NPM1: variants seen among roughly 807,000 people sequenced by gnomAD.
NPM1 encodes the protein nucleophosmin 1.
In NPM1, 1 loss-of-function variant was observed where a neutral mutation model predicts 44.1. The ratio of observed to expected loss-of-function variants is 0.02; its 90% CI spans 0.01 to 0.11. The LOEUF (loss-of-function observed/expected upper bound fraction) is 0.11, where lower values mean the gene tolerates loss of function less well. Ranked by LOEUF, NPM1 falls within the 10% of genes least tolerant of loss-of-function variation. The pLI is 1.00. For missense variants in NPM1, 197 were observed against 347.8 expected, an observed-to-expected ratio of 0.57 and a Z score of 3.45; for synonymous variants, 126 against 111.8, an observed-to-expected ratio of 1.13 and a Z score of -0.80.
chr5:171,395,305 GA>G (rs1770823752), intron 6 of NPM1, among the ~76,000 whole-genome samples: 1 of 151,720 alleles, frequency 6.6e-6, no homozygotes, highest in Non-Finnish European at 1.5e-5. Context: ...TTTTTTGTGG[GA>G]TTTTTTTTTT....
intron 9 of NPM1, chr5:171,407,475 G>A (rs1222105443): frequency 1.9e-5 from 10 of 538,986 alleles, no homozygotes; most frequent in Non-Finnish European, 3.2e-6. Flanking sequence ...GAGGTTGTCA[G>A]GGAAGATTTG....
chr5:171,410,225 T>C (rs1273360187), intron 10 of NPM1, among the ~76,000 whole-genome samples: 1 of 152,110 alleles, frequency 6.6e-6, no homozygotes, highest in East Asian at 1.9e-4. Flanking sequence ...TCTCGGGAGA[T>C]GAAGTTGGAA....
intron 8 of NPM1, among the ~76,000 whole-genome samples, chr5:171,404,554 C>T (rs1215534497): frequency 1.2e-5 from 1 of 80,002 alleles, no homozygotes; most frequent in African/African-American, 5.2e-5. Flanking sequence ...CGGGCAGAGA[C>T]GCTCCTCACT....
intron 7 of NPM1, 29 bp from the exon 8 acceptor site, chr5:171,400,810 C>T: frequency 7.0e-7 from 1 of 1,423,170 alleles, no homozygotes; most frequent in Non-Finnish European, 9.9e-7. Flanking sequence ...GGGTCAGGGA[C>T]AGTGATTAAG....
Position 171,387,893 on chromosome 5 carries a change from A to T in NPM1, c.-56A>T. 1.3e-6 allele frequency: 2 copies of T among 1,540,190 alleles called. No homozygotes were observed. Among genetic ancestry groups the T allele is most frequent in the South Asian group, 1.1e-5 (1 of 89,380 alleles). On this transcript the variant is annotated 5_prime_UTR_variant, in exon 1 of 11. Coordinates refer to ENST00000296930, the MANE Select transcript of NPM1 (RefSeq NM_002520.7). ...GTCCTGCGCGGTTGTTCTCTGGAGC[A>T]GCGTTCTTTTATCTCCGTCCGCCTT...
At chr5:171,407,017 G>A (rs1276724110) in intron 9 of NPM1, 2 of 152,906 alleles carry the variant, frequency 1.3e-5, no homozygotes, top group Admixed American at 6.5e-5. Flanking sequence ...TGGTTACAAA[G>A]TCACAGGTCT....
chr5:171,391,102 C>A, intron 2 of NPM1: 1 of 557,842 alleles, frequency 1.8e-6, no homozygotes, highest in South Asian at 2.3e-5. Flanking sequence ...AGGTTTGTAG[C>A]CTAGGTGTGT....
chr5:171,388,550 T>G (rs1327012204), intron 1 of NPM1, among the ~76,000 whole-genome samples: 2 of 92,168 alleles, frequency 2.2e-5, no homozygotes, highest in Non-Finnish European at 4.0e-5. Flanking sequence ...CGGCGCGGCG[T>G]GAGGAGGCCG....
intron 1 of NPM1, among the ~76,000 whole-genome samples, chr5:171,388,670 G>A (rs972336241): frequency 1.3e-5 from 2 of 152,216 alleles, no homozygotes; most frequent in African/African-American, 4.8e-5. Flanking sequence ...GGATGCTGTG[G>A]CTCTGTTGAA....
intron 3 of NPM1, 134 bp from the exon 4 acceptor site, chr5:171,391,572 G>A: frequency 8.6e-7 from 1 of 1,157,160 alleles, no homozygotes; most frequent in Non-Finnish European, 1.3e-6. Flanking sequence ...TGAACATGGG[G>A]GCTTCTGCTG....
intron 8 of NPM1, among the ~76,000 whole-genome samples, chr5:171,403,965 A>C (rs1278405390): frequency 5.2e-4 from 22 of 42,536 alleles, no homozygotes; most frequent in Admixed American, 1.5e-3. Context: ...GGGGGGGCTG[A>C]CCCCCCCATC....
At chr5:171,396,125 A>G (rs1170942125) in intron 6 of NPM1, among the ~76,000 whole-genome samples, 1 of 152,042 alleles carries the variant, frequency 6.6e-6, no homozygotes, top group Non-Finnish European at 1.5e-5. Flanking sequence ...GATTACAGGC[A>G]TGTGCCAGCA....
At chr5:171,388,084 G>A in intron 1 of NPM1, 78 bp downstream of exon 1, 1 of 1,145,326 alleles carries the variant, frequency 8.7e-7, no homozygotes, top group Admixed American at 1.9e-5. Flanking sequence ...GCGGGAATCC[G>A]GCTGCAACCG....
Position 171,407,683 on chromosome 5 carries a change from TGC to T in NPM1, c.772-16_772-15del. The stretch of plus-strand genomic sequence containing the variant: ...GTATTTCTCTACTTACCTGTAATAA[TGC>T]TTTTGTCTTAATAGGGTGGTTCTCT... On this transcript the variant is annotated splice_polypyrimidine_tract_variant and intron_variant, in intron 9 of 10. Coordinates refer to ENST00000296930, the MANE Select transcript of NPM1 (RefSeq NM_002520.7). The T allele has an allele frequency of 6.7e-7, 1 of 1,493,612 alleles. No homozygotes were observed. Among genetic ancestry groups the T allele is most frequent in the Non-Finnish European group, 9.3e-7 (1 of 1,072,232 alleles). The allele number at this position is 1,493,612 out of a possible 1,614,324, so 92.5% of individuals were successfully genotyped here. A position where few individuals can be genotyped will look rare whatever the true frequency, so the allele number is the denominator to read the frequency against.
chr5:171,391,094 G>GT, intron 2 of NPM1: 1 of 538,678 alleles, frequency 1.9e-6, no homozygotes. Context: ...CACTGTACAG[G>GT]TTTGTAGCCT....
chr5:171,391,887 A>T, intron 4 of NPM1, 88 bp downstream of exon 4: 2 of 686,454 alleles, frequency 2.9e-6, no homozygotes, highest in Non-Finnish European at 2.5e-6. Flanking sequence ...GCATGGGTAT[A>T]GTACTACTGT....
intron 6 of NPM1, among the ~76,000 whole-genome samples, chr5:171,395,962 A>ATTTTTTTT (rs200119475): frequency 7.5e-6 from 1 of 133,440 alleles, no homozygotes; most frequent in African/African-American, 2.9e-5. Context: ...AGTAAAGCTG[A>ATTTTTTTT]ATTTTTTTTT....
intron 6 of NPM1, among the ~76,000 whole-genome samples, chr5:171,397,882 C>T (rs1051005988): frequency 6.6e-6 from 1 of 151,090 alleles, no homozygotes; most frequent in East Asian, 2.0e-4. Context: ...CAACCTCCTC[C>T]TCCCTTGTTC....
chr5:171,403,750 T>G (rs1771389638), intron 8 of NPM1, among the ~76,000 whole-genome samples: 1 of 121,138 alleles, frequency 8.3e-6, no homozygotes, highest in Non-Finnish European at 1.7e-5. Flanking sequence ...CCCCCCCACC[T>G]CCCTCCCGGA....
Sources: allele counts gnomAD v4.1 joint callset (sites outside exome capture counted in the v4.1 genomes callset), GRCh38; gene constraint gnomAD v4.1.1; transcripts MANE v1.5; gene names NCBI Gene and HGNC (gene_info 2026-07-23, HGNC 2026-07-21).